ZNF469: variants seen among roughly 807,000 people sequenced by gnomAD.
ZNF469 encodes zinc finger protein 469.
In ZNF469, 1 loss-of-function variant was observed where a neutral mutation model predicts 1.0. The ratio of observed to expected loss-of-function variants is 1.00; its 90% CI spans 0.35 to 4.73. The LOEUF (loss-of-function observed/expected upper bound fraction) is 4.73, where lower values mean the gene tolerates loss of function less well. Among genes scored for constraint, ZNF469 ranks in the 30% most tolerant of loss-of-function variants. The pLI is 0.16. For synonymous variants in ZNF469, 2,703 were observed against 2,363.4 expected, an observed-to-expected ratio of 1.14 and a Z score of -4.17; for missense variants, 6,100 against 5,356.3, an observed-to-expected ratio of 1.14 and a Z score of -4.33.
In ZNF469 at chr16:88,411,611, G is replaced by C. The variant is rs150284348; in HGVS notation, c.-191-13196G>C. 3.6e-3 allele frequency among the ~76,000 whole-genome samples: 540 copies of C among 152,096 alleles called. 5 individuals carry two copies. Among genetic ancestry groups the C allele is most frequent in the African/African-American group, 0.012 (509 of 41,476 alleles). On this transcript the variant is annotated intron_variant, in intron 1 of 2. Coordinates refer to ENST00000565624, the MANE Select transcript of ZNF469 (RefSeq NM_001367624.2). ...AGGACCCCTTGGCCTGCCTCAGGGA[G>C]AACGGGGTGTAGGGAGCCCCAGGAA...
At chr16:88,359,155 G>A in the ZNF469 span, among the ~76,000 whole-genome samples, 7 of 152,192 alleles carry the variant, frequency 4.6e-5, no homozygotes, top group Admixed American at 1.3e-4. Context: ...CTGGGGGCTC[G>A]GTATCCTGCC....
intron 1 of ZNF469, among the ~76,000 whole-genome samples, chr16:88,411,220 G>T (rs1327685581): frequency 1.3e-5 from 2 of 152,222 alleles, no homozygotes; most frequent in Non-Finnish European, 2.9e-5. Context: ...CCTCAGCAAT[G>T]ACAACTTCAG....
the ZNF469 span, among the ~76,000 whole-genome samples, chr16:88,135,287 C>A: frequency 6.6e-6 from 1 of 152,280 alleles, no homozygotes; most frequent in Admixed American, 6.5e-5. Context: ...TCCTCTCTGG[C>A]ACACATCATT....
chr16:88,280,222 G>A, the ZNF469 span, among the ~76,000 whole-genome samples: 1 of 151,658 alleles, frequency 6.6e-6, no homozygotes, highest in South Asian at 2.1e-4. Flanking sequence ...TGCACGGTTA[G>A]TACTGCACCA....
the ZNF469 span, among the ~76,000 whole-genome samples, chr16:88,187,182 G>C: frequency 1.3e-5 from 2 of 152,028 alleles, no homozygotes; most frequent in African/African-American, 4.8e-5. Context: ...AGCCCTGAGC[G>C]GGTGGCGCAG....
At chr16:88,244,553 C>T in the ZNF469 span, among the ~76,000 whole-genome samples, 6 of 127,000 alleles carry the variant, frequency 4.7e-5, no homozygotes, top group African/African-American at 1.9e-4. Context: ...AGGTGCATGG[C>T]TGGATGGGTG....
the ZNF469 span, among the ~76,000 whole-genome samples, chr16:88,127,438 G>C: frequency 2.4e-4 from 37 of 152,364 alleles, no homozygotes; most frequent in South Asian, 1.2e-3. Flanking sequence ...TATTTGGTCA[G>C]TTGACTCTGA....
chr16:88,272,071 A>G, the ZNF469 span, among the ~76,000 whole-genome samples: 1 of 151,858 alleles, frequency 6.6e-6, no homozygotes, highest in African/African-American at 2.4e-5. Flanking sequence ...GGGTAGATGG[A>G]TAGATAAATG....
the ZNF469 span, among the ~76,000 whole-genome samples, chr16:88,298,555 T>A: frequency 2.0e-5 from 3 of 152,344 alleles, no homozygotes; most frequent in African/African-American, 7.2e-5. Flanking sequence ...GAAAGTCTCC[T>A]GAGGCGTGGA....
At chr16:88,395,754 C>T (rs1904641394) in intron 1 of ZNF469, among the ~76,000 whole-genome samples, 1 of 152,238 alleles carries the variant, frequency 6.6e-6, no homozygotes, top group Non-Finnish European at 1.5e-5. Flanking sequence ...GTCTGATCTT[C>T]ACTCTATGCT....
the ZNF469 span, among the ~76,000 whole-genome samples, chr16:88,103,879 C>T: frequency 2.2e-4 from 32 of 142,560 alleles, no homozygotes; most frequent in Non-Finnish European, 3.7e-4. Context: ...CTCCATGGCA[C>T]GAGGGGGCAG....
chr16:88,175,067 C>G, the ZNF469 span, among the ~76,000 whole-genome samples: 2 of 152,066 alleles, frequency 1.3e-5, no homozygotes, highest in Non-Finnish European at 2.9e-5. Context: ...GAAATTTCTT[C>G]TTTCCTTTGG....
chr16:88,260,350 C>T, the ZNF469 span, among the ~76,000 whole-genome samples: 1 of 152,154 alleles, frequency 6.6e-6, no homozygotes, highest in East Asian at 1.9e-4. This position sits in a 1 kb window ranked among gnomAD's most constrained non-coding sequence, Gnocchi z 4.1. Context: ...CAATACGACA[C>T]GATGTCAGGC....
chr16:88,103,762 G>C, the ZNF469 span, among the ~76,000 whole-genome samples: 1,661 of 149,896 alleles, frequency 0.011, 44 homozygotes, highest in African/African-American at 0.04. Context: ...GTGGCACGGG[G>C]GTGGGTGGAA....
chr16:88,429,410 C>G lies in ZNF469; in HGVS notation c.1940C>G (p.Pro647Arg). 1 of 1,547,634 alleles carries G rather than the reference C, an allele frequency of 6.5e-7. No homozygotes were observed. The highest frequency in any genetic ancestry group is 8.7e-7 in the Non-Finnish European group (1 of 1,144,778). ...ACTCACCCCCAGGAGACGGGCAGCC[C>G]CTTCCCGTCCCCGGAGCCCCCCCAC... is the stretch of plus-strand genomic sequence containing the variant. ...PPTHPQETGS[P>R]FPSPEPPHSL... The change falls in exon 3 of 3, where the codon CCC becomes CGC. Residue 647 changes from proline (P) to arginine (R), a missense_variant. By Grantham distance (103) the Pro-to-Arg change is moderately radical (BLOSUM62 -2). Transcript: ENST00000565624.
At chr16:88,274,518 G>C in the ZNF469 span, among the ~76,000 whole-genome samples, 2 of 152,256 alleles carry the variant, frequency 1.3e-5, no homozygotes. Flanking sequence ...TTTCACAACA[G>C]ATCAGCCCAC....
chr16:88,376,525 G>A, the ZNF469 span, among the ~76,000 whole-genome samples: 1 of 152,232 alleles, frequency 6.6e-6, no homozygotes, highest in African/African-American at 2.4e-5. Flanking sequence ...CGCCGCCCGT[G>A]AACGGGCCCA....
At chr16:88,166,665 C>T in the ZNF469 span, among the ~76,000 whole-genome samples, 1 of 151,926 alleles carries the variant, frequency 6.6e-6, no homozygotes, top group South Asian at 2.1e-4. The surrounding 1 kb of genome is among the most constrained non-coding windows in gnomAD (Gnocchi z 4.5). Flanking sequence ...TTGGAAACCG[C>T]CCATCGATAG....
the ZNF469 span, among the ~76,000 whole-genome samples, chr16:88,268,912 G>A: frequency 1.3e-5 from 2 of 152,236 alleles, no homozygotes; most frequent in Middle Eastern, 3.2e-3. Flanking sequence ...AGAGGGAGGG[G>A]ATCCTTGGAC....
Sources: allele counts gnomAD v4.1 joint callset (sites outside exome capture counted in the v4.1 genomes callset), GRCh38; gene constraint gnomAD v4.1.1; non-coding constraint Gnocchi (gnomAD v3.1); transcripts MANE v1.5; gene names NCBI Gene and HGNC (gene_info 2026-07-23, HGNC 2026-07-21).